Variants in PLPPR4 observed in about 807,000 individuals in gnomAD.
PLPPR4 encodes the protein phospholipid phosphatase-related protein type 4.
PLPPR4 carries 24 observed loss-of-function variants against 56.6 expected under a neutral mutation model. The observed-to-expected ratio is 0.42, with a 90% CI of 0.31 to 0.60. The LOEUF (loss-of-function observed/expected upper bound fraction) is 0.60. PLPPR4 is among the 20% of genes least tolerant of loss of function. The pLI, the probability that PLPPR4 is intolerant of heterozygous loss-of-function variation, is 0.13. For synonymous variants in PLPPR4, 326 were observed against 328.1 expected (o/e 0.99, Z 0.07); for missense variants, 654 against 885.8 (o/e 0.74, Z 3.32).
In PLPPR4 at chr1:99,308,914, T is replaced by A. The variant is rs1264395333; in HGVS notation, c.*1904T>A. ...GGAAAAGGTGGGCTGGTTTTAGTAC[T>A]CTGAAGGACAAAAACAAGCAAACAA... On this transcript the variant is annotated 3_prime_UTR_variant, in exon 7 of 7. Transcript: ENST00000370185. 2 of 152,592 alleles carry A rather than the reference T, an allele frequency of 1.3e-5. No individual in the cohort carries two copies. The highest frequency in any genetic ancestry group is 3.8e-4 in the East Asian group (2 of 5,196). The allele number at this position is 152,592 out of a possible 1,614,324, so 9.5% of individuals were successfully genotyped here. A position where few individuals can be genotyped will look rare whatever the true frequency, so the allele number is the denominator to read the frequency against.
chr1:99,270,397 C>T (rs1263096758), intron 1 of PLPPR4, among the ~76,000 whole-genome samples: 2 of 152,172 alleles, frequency 1.3e-5, no homozygotes, highest in East Asian at 3.9e-4. Flanking sequence ...GTTAATGGAG[C>T]TTAATTACTA....
intron 1 of PLPPR4, among the ~76,000 whole-genome samples, chr1:99,284,011 T>C (rs1467969945): frequency 1.3e-5 from 2 of 152,168 alleles, no homozygotes; most frequent in East Asian, 3.9e-4. Flanking sequence ...GGCTGTATCA[T>C]GACTAGAGAA....
intron 6 of PLPPR4, among the ~76,000 whole-genome samples, chr1:99,302,839 T>C (rs1428848828): frequency 2.6e-5 from 4 of 151,190 alleles, no homozygotes; most frequent in African/African-American, 7.3e-5. Flanking sequence ...ACAAAGGACA[T>C]GAGCTCATCA....
intron 1 of PLPPR4, among the ~76,000 whole-genome samples, chr1:99,280,075 TC>T (rs1439771447): frequency 6.6e-6 from 1 of 152,142 alleles, no homozygotes; most frequent in Admixed American, 6.6e-5. Context: ...GTGGCGTTTT[TC>T]AAACTGCACC....
At chr1:99,272,481 A>G (rs1435632028) in intron 1 of PLPPR4, among the ~76,000 whole-genome samples, 1 of 152,206 alleles carries the variant, frequency 6.6e-6, no homozygotes, top group East Asian at 1.9e-4. Flanking sequence ...TTCTAATTCT[A>G]CATGTGAACA....
chr1:99,306,413 G>C lies in PLPPR4; in HGVS notation c.1551G>C (p.Val517=), dbSNP rs569946665. 3 of 1,614,022 alleles carry C rather than the reference G, an allele frequency of 1.9e-6. No homozygotes were observed. The highest frequency in any genetic ancestry group is 1.3e-5 in the African/African-American group (1 of 74,910). The part of the protein sequence containing the change: ...AKWLKAAEKT[V]ACNRSNSQPR... ...GGTTAAAAGCTGCTGAAAAGACTGT[G>C]GCCTGTAACAGAAGCAACAGCCAGC... is the stretch of plus-strand genomic sequence containing the variant. Residue 517 remains valine, a synonymous_variant, in exon 7 of 7, where the codon GTG becomes GTC. Transcript: ENST00000370185. The surrounding 1 kb of genome is among the most constrained non-coding windows in gnomAD (Gnocchi z 4.0).
intron 1 of PLPPR4, among the ~76,000 whole-genome samples, chr1:99,280,111 A>T (rs1659284646): frequency 6.6e-6 from 1 of 152,162 alleles, no homozygotes; most frequent in Non-Finnish European, 1.5e-5. Flanking sequence ...CCCTCTCCCC[A>T]CATGGGCACC....
chr1:99,266,273 G>A (rs1424639834), intron 1 of PLPPR4, among the ~76,000 whole-genome samples: 1 of 152,196 alleles, frequency 6.6e-6, no homozygotes, highest in East Asian at 1.9e-4. Flanking sequence ...GGAGAAATCA[G>A]TTAATGGCTG....
At chr1:99,292,604 C>T (rs918270153) in intron 2 of PLPPR4, among the ~76,000 whole-genome samples, 1 of 152,158 alleles carries the variant, frequency 6.6e-6, no homozygotes, top group Admixed American at 6.6e-5. Flanking sequence ...TCCCTGATTT[C>T]CCTATATCAC....
At chr1:99,290,470 A>G (rs1330041384) in intron 2 of PLPPR4, among the ~76,000 whole-genome samples, 1 of 152,012 alleles carries the variant, frequency 6.6e-6, no homozygotes, top group Non-Finnish European at 1.5e-5. Flanking sequence ...ACCAAAAAAG[A>G]CCCCAAAGAG....
intron 2 of PLPPR4, among the ~76,000 whole-genome samples, chr1:99,289,884 G>T (rs1224277818): frequency 6.6e-6 from 1 of 152,058 alleles, no homozygotes; most frequent in Non-Finnish European, 1.5e-5. Context: ...AACAGCACAA[G>T]ACAAGGATGA....
At chr1:99,275,185 C>T (rs1296456001) in intron 1 of PLPPR4, among the ~76,000 whole-genome samples, 2 of 152,004 alleles carry the variant, frequency 1.3e-5, no homozygotes, top group African/African-American at 4.8e-5. Context: ...CATGGCAAAA[C>T]CTGATAAAAA....
At chr1:99,289,042 A>G (rs890565358) in intron 2 of PLPPR4, among the ~76,000 whole-genome samples, 4 of 152,134 alleles carry the variant, frequency 2.6e-5, no homozygotes, top group African/African-American at 9.7e-5. Flanking sequence ...TTTTAGATAA[A>G]TCTATTAATA....
chr1:99,300,816 A>G, intron 4 of PLPPR4, 93 bp from the exon 5 acceptor site: 2 of 939,038 alleles, frequency 2.1e-6, no homozygotes, highest in East Asian at 4.9e-5. Context: ...TGTGACTTTT[A>G]AGTTGAACAT....
Position 99,307,684 on chromosome 1 carries a change from C to A in PLPPR4, c.*674C>A, listed in dbSNP as rs1262578443. 1 of 152,170 alleles carries A rather than the reference C, an allele frequency of 6.6e-6. No individual in the cohort carries two copies. Among genetic ancestry groups the A allele is most frequent in the Non-Finnish European group, 1.5e-5 (1 of 68,030 alleles). 9.4% of individuals were successfully genotyped at this position (152,170 alleles called of 1,614,324 possible). Reference sequence around the variant, plus strand: ...TTCTTCAAAATTCTGCTTTCTTCAACATCAAAAATTGTGTAGAAATATTTT... The same window carrying A: ...TTCTTCAAAATTCTGCTTTCTTCAAAATCAAAAATTGTGTAGAAATATTTT... On this transcript the variant is annotated 3_prime_UTR_variant, in exon 7 of 7. Coordinates refer to ENST00000370185, the MANE Select transcript of PLPPR4 (RefSeq NM_014839.5).
chr1:99,268,541 G>T (rs910626535), intron 1 of PLPPR4, among the ~76,000 whole-genome samples: 3 of 152,160 alleles, frequency 2.0e-5, no homozygotes, highest in Non-Finnish European at 4.4e-5. Flanking sequence ...ATAGAATTTA[G>T]GGATAGAATT....
intron 1 of PLPPR4, among the ~76,000 whole-genome samples, chr1:99,281,932 T>C (rs1659337754): frequency 1.3e-5 from 2 of 152,304 alleles, no homozygotes; most frequent in South Asian, 4.2e-4. Context: ...TTTGACTTCT[T>C]GTGACATTAC....
chr1:99,273,669 A>G (rs986918278), intron 1 of PLPPR4, among the ~76,000 whole-genome samples: 6 of 152,144 alleles, frequency 3.9e-5, no homozygotes, highest in Non-Finnish European at 8.8e-5. Context: ...GTGTTGAATA[A>G]ATATCAATTG....
Position 99,299,153 on chromosome 1 carries a change from T to G in PLPPR4, c.513T>G (p.Asn171Lys). Reference protein sequence around the residue: ...TVCKPNYTSLNVSCKENSYIV... With the variant: ...TVCKPNYTSLKVSCKENSYIV... ...GCAAACCAAACTATACCTCTCTGAA[T>G]GTATCTTGCAAAGAAAATTCCTACA... Residue 171 changes from asparagine (N) to lysine (K), a missense_variant, in exon 4 of 7, where the codon AAT becomes AAG. Coordinates refer to ENST00000370185, the MANE Select transcript of PLPPR4 (RefSeq NM_014839.5). 1 of 1,613,396 alleles carries G rather than the reference T, an allele frequency of 6.2e-7. No homozygotes were observed. Among genetic ancestry groups the G allele is most frequent in the South Asian group, 1.1e-5 (1 of 91,062 alleles).
Sources: allele counts gnomAD v4.1 joint callset (sites outside exome capture counted in the v4.1 genomes callset), GRCh38; gene constraint gnomAD v4.1.1; non-coding constraint Gnocchi (gnomAD v3.1); transcripts MANE v1.5; gene names NCBI Gene and HGNC (gene_info 2026-07-23, HGNC 2026-07-21).